The following PLEKHG5 variants were observed in gnomAD, a reference collection of about 807,000 sequenced individuals.
The protein encoded by PLEKHG5 is pleckstrin homology and RhoGEF domain containing G5, also known as pleckstrin homology domain-containing family G member 5.
In PLEKHG5, 52 loss-of-function variants were observed where a neutral mutation model predicts 103.8. The observed-to-expected ratio is 0.50, with a 90% confidence interval of 0.40 to 0.63. PLEKHG5 has a LOEUF of 0.63. PLEKHG5 is among the 30% of genes least tolerant of loss of function. The pLI is 0.00. For synonymous variants in PLEKHG5, 592 were observed against 575.5 expected, an observed-to-expected ratio of 1.03 and a Z score of -0.41; for missense variants, 1,205 against 1,347.6, an observed-to-expected ratio of 0.89 and a Z score of 1.66.
chr1:6,474,103 C>T lies in PLEKHG5; in HGVS notation c.501G>A (p.Leu167=). The T allele has an allele frequency of 6.2e-7, 1 of 1,613,444 alleles. No homozygotes were observed. The highest frequency in any genetic ancestry group is 1.1e-5 in the South Asian group (1 of 91,054). ...CAGCTGGCCGCAGAATCGGCAAACTCAGGGACTTGGAGTCCTTCATGCCCT... is the reference window on the plus strand; with the variant it reads ...CAGCTGGCCGCAGAATCGGCAAACTTAGGGACTTGGAGTCCTTCATGCCCT... ...VEQGMKDSKS[L]SLPILRPAGT... is the part of the protein sequence containing the mutation. Residue 167 remains leucine (L), a synonymous_variant, in exon 7 of 21, where the codon CTG becomes CTA. Coordinates refer to ENST00000377728, the MANE Select transcript of PLEKHG5 (RefSeq NM_020631.6).
intron 3 of PLEKHG5, 87 bp downstream of exon 3, chr1:6,475,844 G>A (rs534437512): frequency 1.4e-5 from 16 of 1,117,860 alleles, no homozygotes; most frequent in South Asian, 1.1e-4. Flanking sequence ...TGAGGAAGGC[G>A]CCAGAGCATC....
chr1:6,491,211 T>C lies in PLEKHG5; in HGVS notation c.-88+426A>G, dbSNP rs1279500179. Among the ~76,000 whole-genome samples the C allele has an allele frequency of 6.6e-6, 1 of 151,976 alleles. No individual in the cohort carries two copies. Among genetic ancestry groups the C allele is most frequent in the Non-Finnish European group, 1.5e-5 (1 of 67,962 alleles). On this transcript the variant is annotated intron_variant, in intron 1 of 20. Transcript: ENST00000377728. The surrounding 1 kb of genome is among the most constrained non-coding windows in gnomAD (Gnocchi z 4.1). ...TTTAGAATAACTCTGGGCTCAGGAC[T>C]GGGAAGGGTGTGGATACAGGGGGCC... is the stretch of plus-strand genomic sequence containing the variant.
At chr1:6,506,694 A>C (rs1267595186) in intron 1 of PLEKHG5, among the ~76,000 whole-genome samples, 1 of 151,206 alleles carries the variant, frequency 6.6e-6, no homozygotes, top group Non-Finnish European at 1.5e-5. Flanking sequence ...TCCTGCCTGG[A>C]CCCTCCCCAG....
At chr1:6,498,340 G>A (rs1645256633), upstream of PLEKHG5, among the ~76,000 whole-genome samples, 1 of 152,210 alleles carries the variant, frequency 6.6e-6, no homozygotes, top group South Asian at 2.1e-4. Flanking sequence ...GAGCCTCCCT[G>A]CATGGACTCC....
intron 1 of PLEKHG5, among the ~76,000 whole-genome samples, chr1:6,488,824 G>A (rs889793055): frequency 2.6e-5 from 4 of 152,200 alleles, no homozygotes; most frequent in Middle Eastern, 6.8e-3. Context: ...AGTCAGGGCC[G>A]GCTTGTTGAA....
chr1:6,471,154 C>A, intron 12 of PLEKHG5, 54 bp from the exon 13 acceptor site: 5 of 1,414,848 alleles, frequency 3.5e-6, no homozygotes, highest in Non-Finnish European at 4.9e-6. Context: ...CCCTGCGGGC[C>A]GGCCCGCGCC....
In PLEKHG5 at chr1:6,471,807, A is replaced by C. The variant is rs762368406; in HGVS notation, c.1082T>G (p.Leu361Arg). 12 of 1,607,496 alleles carry C rather than the reference A, an allele frequency of 7.5e-6. No homozygotes were observed. Among genetic ancestry groups the C allele is most frequent in the African/African-American group, 1.3e-5 (1 of 74,846 alleles). The change falls in exon 11 of 21, where the codon CTG (leucine) becomes CGG (arginine). Residue 361 changes from leucine (L) to arginine (R), a missense_variant and splice_region_variant. Coordinates refer to ENST00000377728, the MANE Select transcript of PLEKHG5 (RefSeq NM_020631.6). The stretch of plus-strand genomic sequence containing the variant: ...CAGGTTCAGGAGGCAGCACAGGAAC[A>C]GCTGTGGGATCAGGGGATGGTGTGA... The part of the protein sequence containing the change: ...YIRKLRVIIN[L>R]FLCCLLNLQE...
chr1:6,489,191 C>G (rs979564880), intron 1 of PLEKHG5, among the ~76,000 whole-genome samples: 1 of 152,204 alleles, frequency 6.6e-6, no homozygotes, highest in African/African-American at 2.4e-5. Flanking sequence ...CCCAAGGCCC[C>G]ACCCAACACC....
upstream of PLEKHG5, among the ~76,000 whole-genome samples, chr1:6,495,527 G>T (rs918893482): frequency 6.6e-5 from 10 of 152,174 alleles, no homozygotes; most frequent in African/African-American, 2.2e-4. Flanking sequence ...TGGGTACTGG[G>T]TTCAAATCCC....
exon 1 of PLEKHG5, chr1:6,519,480 G>A (rs745689353): frequency 6.2e-7 from 1 of 1,613,918 alleles, no homozygotes; most frequent in Non-Finnish European, 8.5e-7. Context: ...GCTTCGAGGT[G>A]GAGACCCATG....
intron 1 of PLEKHG5, among the ~76,000 whole-genome samples, chr1:6,512,737 G>A (rs539463151): frequency 8.5e-5 from 13 of 152,286 alleles, no homozygotes; most frequent in East Asian, 5.8e-4. Context: ...GTCCCTCCCC[G>A]TCTCACATTT....
At chr1:6,506,569 C>T (rs1189517309) in intron 1 of PLEKHG5, among the ~76,000 whole-genome samples, 3 of 152,320 alleles carry the variant, frequency 2.0e-5, no homozygotes, top group South Asian at 4.1e-4. Flanking sequence ...TTCCGGCTCC[C>T]CACCCCTGAC....
At chr1:6,518,131 A>G (rs1230971702) in intron 1 of PLEKHG5, among the ~76,000 whole-genome samples, 1 of 151,072 alleles carries the variant, frequency 6.6e-6, no homozygotes, top group Non-Finnish European at 1.5e-5. Context: ...ACGGGGTTTC[A>G]CCATGTTAGC....
At chr1:6,504,513 T>A (rs542476244) in intron 1 of PLEKHG5, among the ~76,000 whole-genome samples, 1 of 151,886 alleles carries the variant, frequency 6.6e-6, no homozygotes, top group Non-Finnish European at 1.5e-5. Flanking sequence ...CTGGCCTTCA[T>A]GCCCACCCGG....
chr1:6,513,485 G>A lies in PLEKHG5; in HGVS notation c.-165+5960C>T, dbSNP rs555595369. 1.1e-4 allele frequency among the ~76,000 whole-genome samples: 16 copies of A among 152,366 alleles called. No individual in the cohort carries two copies. The East Asian group carries it at 2.9e-3, about 28-fold the overall frequency. On this transcript the variant is annotated intron_variant, in intron 1 of 21. Coordinates refer to the PLEKHG5 transcript ENST00000377740. Reference sequence around the variant, plus strand: ...TGCCGGGGATTTTTCAGCCTGAGGTGAGGGGAAGAGGCGGAAATGAAGGCT... The same window carrying A: ...TGCCGGGGATTTTTCAGCCTGAGGTAAGGGGAAGAGGCGGAAATGAAGGCT...
At chr1:6,473,976 T>TACCCCC in intron 7 of PLEKHG5, 37 bp downstream of exon 7, 39 of 1,265,506 alleles carry the variant, frequency 3.1e-5, no homozygotes, top group East Asian at 1.1e-4. Flanking sequence ...CTGGGCCCCT[T>TACCCCC]CCCACCCCCT....
intron 1 of PLEKHG5, among the ~76,000 whole-genome samples, chr1:6,483,336 T>G (rs1489239652): frequency 1.3e-5 from 2 of 152,180 alleles, no homozygotes; most frequent in Non-Finnish European, 2.9e-5. Flanking sequence ...CCCCCACTTC[T>G]ACACCCTTCA....
intron 1 of PLEKHG5, among the ~76,000 whole-genome samples, chr1:6,515,969 G>A (rs776215955): frequency 3.3e-5 from 5 of 152,202 alleles, no homozygotes; most frequent in Non-Finnish European, 5.9e-5. Context: ...TCTGCTGGTG[G>A]GAGAATAAGT....
chr1:6,515,900 T>C (rs1474732585), intron 1 of PLEKHG5, among the ~76,000 whole-genome samples: 3 of 152,166 alleles, frequency 2.0e-5, no homozygotes, highest in Admixed American at 6.5e-5. Context: ...AGGAGTCACC[T>C]GACTAGTCAT....
Sources: allele counts gnomAD v4.1 joint callset (sites outside exome capture counted in the v4.1 genomes callset), GRCh38; gene constraint gnomAD v4.1.1; non-coding constraint Gnocchi (gnomAD v3.1); transcripts MANE v1.5; gene names NCBI Gene and HGNC (gene_info 2026-07-23, HGNC 2026-07-21).